The following PHGDH variants were observed in gnomAD, a reference collection of about 807,000 sequenced individuals.
PHGDH encodes the protein phosphoglycerate dehydrogenase, also known as D-3-phosphoglycerate dehydrogenase.
Under a neutral mutation model 52.6 loss-of-function variants are expected in PHGDH, and 50 were observed. The ratio of observed to expected loss-of-function variants is 0.95; its 90% confidence interval spans 0.76 to 1.20. The LOEUF (loss-of-function observed/expected upper bound fraction) is 1.20. Among genes scored for constraint, PHGDH ranks in the 50% most tolerant of loss-of-function variants. The pLI is 0.00. For missense variants in PHGDH, 630 were observed against 684.6 expected (o/e 0.92, Z 0.89); for synonymous variants, 271 against 280.5 (o/e 0.97, Z 0.34).
intron 7 of PHGDH, 80 bp from the exon 8 acceptor site, chr1:119,737,034 A>G (rs1184769775): frequency 2.1e-6 from 3 of 1,447,524 alleles, no homozygotes; most frequent in East Asian, 2.3e-5. Flanking sequence ...CTTCCCTCCA[A>G]CTTTCCTGTT....
At chr1:119,712,833 G>C (rs1276141517) in intron 1 of PHGDH, among the ~76,000 whole-genome samples, 1 of 152,208 alleles carries the variant, frequency 6.6e-6, no homozygotes, top group Non-Finnish European at 1.5e-5. Context: ...CCGCCCCTCT[G>C]CCTCCTGGGA....
At chr1:119,719,167 T>C (rs1651046239) in intron 1 of PHGDH, among the ~76,000 whole-genome samples, 1 of 152,162 alleles carries the variant, frequency 6.6e-6, no homozygotes, top group Non-Finnish European at 1.5e-5. Context: ...GGTGTTGGCC[T>C]CAGCACTGGG....
At chr1:119,729,049 A>G (rs1651575905) in intron 5 of PHGDH, among the ~76,000 whole-genome samples, 1 of 152,202 alleles carries the variant, frequency 6.6e-6, no homozygotes, top group African/African-American at 2.4e-5. Flanking sequence ...CATTGTACAC[A>G]TTGAATATTA....
intron 8 of PHGDH, among the ~76,000 whole-genome samples, chr1:119,739,235 G>A (rs941386908): frequency 1.3e-5 from 2 of 152,158 alleles, no homozygotes; most frequent in African/African-American, 2.4e-5. Context: ...GGCTCTGCAG[G>A]CCCACACAGA....
Position 119,734,741 on chromosome 1 carries a change from C to T in PHGDH, c.618C>T (p.His206=). 6.2e-7 allele frequency: 1 copy of T among 1,613,930 alleles called. No individual in the cohort carries two copies. Among genetic ancestry groups the T allele is most frequent in the Non-Finnish European group, 8.5e-7 (1 of 1,179,946 alleles). Residue 206 remains histidine (H), a synonymous_variant, in exon 6 of 12, where the codon CAC becomes CAT. Transcript: ENST00000641023. ...CTCTCTGTGATTTCATCACTGTGCA[C>T]ACTCCTCTCCTGCCCTCCACGACAG... ...IWPLCDFITV[H]TPLLPSTTGL... is the part of the protein sequence containing the mutation.
At chr1:119,743,847 C>T in intron 11 of PHGDH, 39 bp from the exon 12 acceptor site, 10 of 1,568,280 alleles carry the variant, frequency 6.4e-6, no homozygotes, top group Non-Finnish European at 7.9e-6. Flanking sequence ...CCTTTTTCCC[C>T]TATCCCCTGT....
At chr1:119,742,469 C>A in intron 10 of PHGDH, 1 of 481,560 alleles carries the variant, frequency 2.1e-6, no homozygotes. Context: ...CCACTGATGC[C>A]GTGCAGGAGG....
chr1:119,712,254 C>G, intron 1 of PHGDH, 94 bp downstream of exon 1: 1 of 1,143,282 alleles, frequency 8.7e-7, no homozygotes, highest in Non-Finnish European at 1.3e-6. Flanking sequence ...TCGCATGCAC[C>G]CCGTATCAAT....
At chr1:119,730,705 A>G (rs964308905) in intron 5 of PHGDH, among the ~76,000 whole-genome samples, 1 of 152,210 alleles carries the variant, frequency 6.6e-6, no homozygotes, top group African/African-American at 2.4e-5. Flanking sequence ...GTGTATAGAT[A>G]TGGACTTTGG....
intron 5 of PHGDH, among the ~76,000 whole-genome samples, chr1:119,731,773 T>C (rs1412239467): frequency 1.3e-5 from 2 of 152,224 alleles, no homozygotes; most frequent in African/African-American, 4.8e-5. Context: ...TTAACTTTAT[T>C]CATGATCCAT....
At chr1:119,720,907 T>C (rs587618538) in intron 1 of PHGDH, 55 of 474,658 alleles carry the variant, frequency 1.2e-4, no homozygotes, top group South Asian at 1.0e-3. Context: ...CATGGGCCAA[T>C]GCTGCCCTTT....
In PHGDH at chr1:119,712,026, G is replaced by A. The variant is rs1316882504; in HGVS notation, c.4G>A (p.Ala2Thr). The change falls in exon 1 of 12, where the codon GCT (alanine) becomes ACT (threonine). Residue 2 changes from alanine (A) to threonine (T), a missense_variant. Transcript: ENST00000641023. MAFANLRKVLIS... is the reference protein window; with the variant it reads MTFANLRKVLIS... The stretch of plus-strand genomic sequence containing the variant: ...GATTCCGAGGCCAACTCCAGCAATG[G>A]CTTTTGCAAATCTGCGGAAAGTGCT... 4 of 1,614,114 alleles carry A rather than the reference G, an allele frequency of 2.5e-6. No individual in the cohort carries two copies. The South Asian group carries it at 3.3e-5, about 13-fold the overall frequency.
intron 5 of PHGDH, among the ~76,000 whole-genome samples, chr1:119,733,123 T>C (rs1651773859): frequency 6.6e-6 from 1 of 152,146 alleles, no homozygotes; most frequent in African/African-American, 2.4e-5. Context: ...CCACCAGCGT[T>C]CTGAGCTGGA....
chr1:119,721,473 C>T (rs587750773), intron 2 of PHGDH, 152 bp downstream of exon 2: 46 of 698,052 alleles, frequency 6.6e-5, no homozygotes, highest in Middle Eastern at 4.1e-4. Flanking sequence ...ATGGTCAACA[C>T]ACACAGCATA....
intron 1 of PHGDH, chr1:119,714,293 C>T (rs1315628570): frequency 6.6e-6 from 1 of 152,164 alleles, no homozygotes; most frequent in African/African-American, 2.4e-5. Flanking sequence ...GCCTTGGTTC[C>T]CACTGCCTTG....
intron 6 of PHGDH, 62 bp downstream of exon 6, chr1:119,734,828 C>T (rs993257449): frequency 4.5e-6 from 7 of 1,572,514 alleles, no homozygotes; most frequent in Middle Eastern, 1.7e-4. Flanking sequence ...ACAAATGGGC[C>T]CTCCATCTGG....
intron 3 of PHGDH, among the ~76,000 whole-genome samples, chr1:119,725,978 A>G (rs1651390058): frequency 3.7e-5 from 1 of 26,730 alleles, no homozygotes; most frequent in African/African-American, 2.4e-4. Flanking sequence ...GGATGTCTAA[A>G]ATAAAGTGCT....
chr1:119,730,333 T>C (rs2101182917), intron 5 of PHGDH, among the ~76,000 whole-genome samples: 2 of 152,334 alleles, frequency 1.3e-5, no homozygotes, highest in Middle Eastern at 6.8e-3. Flanking sequence ...AGATGTCAGA[T>C]ACCCGGACTA....
At chr1:119,723,073 C>A (rs968429848) in intron 2 of PHGDH, among the ~76,000 whole-genome samples, 3 of 152,146 alleles carry the variant, frequency 2.0e-5, no homozygotes, top group Admixed American at 6.5e-5. Flanking sequence ...AGGGCTGAAC[C>A]ACACACAAAT....
Sources: allele counts gnomAD v4.1 joint callset (sites outside exome capture counted in the v4.1 genomes callset), GRCh38; gene constraint gnomAD v4.1.1; transcripts MANE v1.5; gene names NCBI Gene and HGNC (gene_info 2026-07-23, HGNC 2026-07-21).